Variants in VIRMA observed in about 807,000 individuals in gnomAD.
VIRMA encodes the protein vir like m6A methyltransferase associated, also known as protein virilizer homolog.
VIRMA carries 65 observed loss-of-function variants against 182.4 expected under a neutral mutation model. The ratio of observed to expected loss-of-function variants is 0.36; its 90% confidence interval spans 0.29 to 0.44. The LOEUF (loss-of-function observed/expected upper bound fraction) is 0.44. Among genes scored for constraint, VIRMA ranks in the 20% least tolerant of loss-of-function variants. VIRMA has a pLI of 1.00. For missense variants in VIRMA, 1,752 were observed against 2,158.1 expected (o/e 0.81, Z 3.73); for synonymous variants, 709 against 743.1 (o/e 0.95, Z 0.75).
chr8:94,529,288 A>C lies in VIRMA; in HGVS notation c.662T>G (p.Ile221Ser). 1.2e-6 allele frequency: 2 copies of C among 1,613,418 alleles called. No homozygotes were observed. The highest frequency in any genetic ancestry group is 1.7e-6 in the Non-Finnish European group (2 of 1,179,374). The change falls in exon 7 of 24, where the codon ATT (isoleucine) becomes AGT (serine). Residue 221 changes from isoleucine (I) to serine (S), a missense_variant. Physicochemically the swap from Ile to Ser is moderately radical, Grantham distance 142. Transcript: ENST00000297591. ...GGGAACAGAATTCCGATCAGGAGAA[A>C]TGGGCTCAAAGTAATCTTCTCTATG... ...APHREDYFEP[I>S]SPDRNSVPQE... is the part of the protein sequence containing the mutation.
At chr8:94,497,283 T>G (rs1232827578) in intron 17 of VIRMA, 2 of 151,990 alleles carry the variant, frequency 1.3e-5, no homozygotes, top group Non-Finnish European at 2.9e-5. Context: ...TTAAAATTTT[T>G]CATATAGATG....
intron 4 of VIRMA, among the ~76,000 whole-genome samples, chr8:94,536,548 T>A (rs1173102250): frequency 1.3e-5 from 2 of 152,202 alleles, no homozygotes; most frequent in Non-Finnish European, 2.9e-5. Flanking sequence ...CCTATCTAAA[T>A]GAAAGATGGT....
chr8:94,498,894 A>G (rs28634264), intron 17 of VIRMA: 6,081 of 152,582 alleles, frequency 0.04, 132 homozygotes, highest in Middle Eastern at 0.05. Context: ...CCTGGCCAAC[A>G]TGGTGAAATC....
rs377006552 is a variant in VIRMA, at chr8:94,526,684, A to G, written c.1560T>C (p.Phe520=). The change falls in exon 8 of 24, where the codon TTT becomes TTC. Residue 520 remains phenylalanine (F), a synonymous_variant. Coordinates refer to ENST00000297591, the MANE Select transcript of VIRMA (RefSeq NM_015496.5). ...TTTTTTCATTCTGCCTACCTCTTAA[A>G]AAAGCTTCCATTCCTTCTGTCATAC... ...VISMTEGMEA[F]LRGRQNEKSG... 27 of 1,613,856 alleles carry G rather than the reference A, an allele frequency of 1.7e-5. No individual in the cohort carries two copies. Among genetic ancestry groups the G allele is most frequent in the Non-Finnish European group, 2.3e-5 (27 of 1,180,026 alleles).
In VIRMA at chr8:94,495,783, C is replaced by G; in HGVS notation, c.4492G>C (p.Val1498Leu). ...GDPLPLSDQD[V>L]EPVLSAPESL... ...TCTGGAGCTGAAAGTACTGGTTCTA[C>G]ATCCTGGTCACTGAGAGGTAAAGGG... The change falls in exon 19 of 24, where the codon GTA (valine) becomes CTA (leucine). Residue 1498 changes from valine to leucine, a missense_variant. Val to Leu is a conservative substitution (Grantham distance 32). Transcript: ENST00000297591. 6.2e-7 allele frequency: 1 copy of G among 1,614,004 alleles called. No homozygotes were observed. The highest frequency in any genetic ancestry group is 1.1e-5 in the South Asian group (1 of 91,076).
intron 20 of VIRMA, among the ~76,000 whole-genome samples, chr8:94,493,617 G>C (rs961429076): frequency 2.0e-5 from 3 of 152,134 alleles, no homozygotes; most frequent in African/African-American, 7.2e-5. Flanking sequence ...TACTGGAGAG[G>C]ACAGTTTTAA....
Position 94,511,342 on chromosome 8 carries a change from T to G in VIRMA, c.3233A>C (p.Lys1078Thr), listed in dbSNP as rs769840627. ...CAGAGTCTCTTCTGAGATTGTGAGTTTTTCATTAACTCCTTGTGTAAAAGT... is the reference window on the plus strand; with the variant it reads ...CAGAGTCTCTTCTGAGATTGTGAGTGTTTCATTAACTCCTTGTGTAAAAGT... ...LLTFTQGVNEKLTISEETLAN... is the reference protein window; with the variant it reads ...LLTFTQGVNETLTISEETLAN... Residue 1078 changes from lysine to threonine, a missense_variant, in exon 13 of 24, where the codon AAA becomes ACA. Lys to Thr is a moderately conservative substitution (Grantham distance 78, BLOSUM62 -1). Coordinates refer to ENST00000297591, the MANE Select transcript of VIRMA (RefSeq NM_015496.5). 6.2e-7 allele frequency: 1 copy of G among 1,613,780 alleles called. No individual in the cohort carries two copies. The highest frequency in any genetic ancestry group is 1.1e-5 in the South Asian group (1 of 91,012).
At chr8:94,511,803 G>T (rs117220636) in intron 12 of VIRMA, 74 bp from the exon 13 acceptor site, 11,997 of 837,086 alleles carry the variant, frequency 0.014, 191 homozygotes, top group South Asian at 0.081. Context: ...TTATTAAAGT[G>T]AATATTTAAT....
intron 17 of VIRMA, chr8:94,497,514 T>G (rs979518655): frequency 4.0e-5 from 6 of 151,870 alleles, no homozygotes; most frequent in African/African-American, 1.5e-4. Context: ...CTGCAACCTC[T>G]GCCTCCGGGG....
Position 94,527,371 on chromosome 8 carries a change from T to A in VIRMA, c.881-8A>T. 6.7e-7 allele frequency: 1 copy of A among 1,503,100 alleles called. No homozygotes were observed. The highest frequency in any genetic ancestry group is 1.3e-5 in the South Asian group (1 of 77,698). 93.1% of individuals were successfully genotyped at this position (1,503,100 alleles called of 1,614,324 possible). ...GTTCATAACCATCATCCCCTGAAAA[T>A]TAGTATGAATAATATTTAAGTATTA... On this transcript the variant is annotated splice_polypyrimidine_tract_variant and splice_region_variant and intron_variant, in intron 7 of 23. Transcript: ENST00000297591.
chr8:94,509,830 A>C lies in VIRMA; in HGVS notation c.3737T>G (p.Ile1246Ser). ...TTCATCACCTTTAATAGTTCCATTA[A>C]TTAGATGCAAAATAGCTAATTTACA... ...KACKLAILHL[I>S]NGTIKGDERY... The change falls in exon 15 of 24, where the codon ATT becomes AGT. Residue 1246 changes from isoleucine to serine, a missense_variant. By Grantham distance (142) the Ile-to-Ser change is moderately radical. Around this residue, in one of 11 missense-constraint regions of VIRMA, gnomAD observed 777 missense variants for 920.6 expected, o/e 0.84. Coordinates refer to ENST00000297591, the MANE Select transcript of VIRMA (RefSeq NM_015496.5). The C allele has an allele frequency of 1.2e-6, 2 of 1,614,106 alleles. No individual in the cohort carries two copies. Among genetic ancestry groups the C allele is most frequent in the Non-Finnish European group, 1.7e-6 (2 of 1,179,980 alleles).
At chr8:94,492,507 C>T (rs879379916) in intron 21 of VIRMA, 145 bp downstream of exon 21, 1 of 535,486 alleles carries the variant, frequency 1.9e-6, no homozygotes, top group Non-Finnish European at 3.2e-6. Context: ...CCAGAATGGT[C>T]TCGATCTCCT....
chr8:94,547,168 G>A (rs767508507), intron 1 of VIRMA: 10 of 344,048 alleles, frequency 2.9e-5, no homozygotes, highest in Non-Finnish European at 5.7e-5. Context: ...ACAGACCTAT[G>A]TCTTAGTTTA....
intron 1 of VIRMA, among the ~76,000 whole-genome samples, chr8:94,545,555 T>C (rs1435573416): frequency 1.3e-5 from 2 of 152,228 alleles, no homozygotes; most frequent in South Asian, 2.1e-4. Flanking sequence ...AGTATGCTAG[T>C]TCTGAGGCTA....
intron 21 of VIRMA, among the ~76,000 whole-genome samples, chr8:94,492,283 T>C (rs1813626844): frequency 6.8e-6 from 1 of 146,004 alleles, no homozygotes; most frequent in African/African-American, 2.5e-5. Flanking sequence ...ATAGCATGTG[T>C]CTTTTTTTTT....
chr8:94,544,264 A>G (rs1815681914), intron 1 of VIRMA, among the ~76,000 whole-genome samples: 1 of 152,206 alleles, frequency 6.6e-6, no homozygotes, highest in Non-Finnish European at 1.5e-5. Flanking sequence ...GATTTCTAGA[A>G]AGATAATATA....
intron 16 of VIRMA, 101 bp from the exon 17 acceptor site, chr8:94,499,607 C>T (rs1813898050): frequency 1.3e-6 from 1 of 797,008 alleles, no homozygotes; most frequent in Non-Finnish European, 1.8e-6. Context: ...AAACTTACTC[C>T]ATCATTTTTA....
rs542251022 is a variant in VIRMA, at chr8:94,506,303, T to C, written c.4097+197A>G. 9.2e-5 allele frequency among the ~76,000 whole-genome samples: 14 copies of C among 152,338 alleles called. No individual in the cohort carries two copies. The South Asian group carries it at 2.9e-3, about 32-fold the overall frequency. ...AATTTGTGTATCTATTCATTTTATA[T>C]CTTTAATCCAAAAGATTCTATTATT... On this transcript the variant is annotated intron_variant, in intron 16 of 23. Coordinates refer to ENST00000297591, the MANE Select transcript of VIRMA (RefSeq NM_015496.5).
chr8:94,505,938 TA>T (rs1471346763), intron 16 of VIRMA, among the ~76,000 whole-genome samples: 5 of 151,876 alleles, frequency 3.3e-5, no homozygotes, highest in Admixed American at 6.6e-5. Context: ...ACAATATGAA[TA>T]AAAAAATACA....
Sources: gnomAD v4.1 joint callset for allele counts (sites outside exome capture counted in the v4.1 genomes callset) on GRCh38, gnomAD v4.1.1 for gene constraint, gnomAD v4.1.1 regional missense constraint, MANE v1.5 for transcripts, NCBI Gene and HGNC (gene_info 2026-07-23, HGNC 2026-07-21) for gene names.